Variants in AUH observed in about 807,000 individuals in gnomAD.
The protein encoded by AUH is AU RNA binding methylglutaconyl-CoA hydratase.
In AUH, 29 loss-of-function variants were observed where a neutral mutation model predicts 42.3. The ratio of observed to expected loss-of-function variants is 0.69; its 90% CI spans 0.51 to 0.93. The LOEUF (loss-of-function observed/expected upper bound fraction) is 0.93, where lower values mean the gene tolerates loss of function less well. Ranked by LOEUF, AUH falls within the 40% of genes least tolerant of loss-of-function variation. The pLI is 0.00. For missense variants in AUH, 452 were observed against 438.1 expected (o/e 1.03, Z -0.28); for synonymous variants, 174 against 166.4 (o/e 1.05, Z -0.35).
intron 3 of AUH, among the ~76,000 whole-genome samples, chr9:91,337,685 C>CTAA (rs1830794370): frequency 6.6e-6 from 1 of 152,136 alleles, no homozygotes; most frequent in Non-Finnish European, 1.5e-5. Flanking sequence ...TCAGGCAATC[C>CTAA]TAACAGGCTT....
At chr9:91,323,849 G>T (rs1181108958) in intron 4 of AUH, among the ~76,000 whole-genome samples, 1 of 151,934 alleles carries the variant, frequency 6.6e-6, no homozygotes, top group Non-Finnish European at 1.5e-5. Flanking sequence ...TGGATAGAAA[G>T]ATTTACTATC....
At chr9:91,341,865 G>A (rs1831131248) in intron 3 of AUH, among the ~76,000 whole-genome samples, 1 of 152,298 alleles carries the variant, frequency 6.6e-6, no homozygotes, top group South Asian at 2.1e-4. Flanking sequence ...GACCTGCTTT[G>A]GTTTAAGTGA....
intron 4 of AUH, among the ~76,000 whole-genome samples, chr9:91,323,881 TAACA>T (rs1383412536): frequency 2.6e-5 from 4 of 152,124 alleles, no homozygotes. Context: ...AAAATTTTCT[TAACA>T]AAATTTATAA....
intron 6 of AUH, among the ~76,000 whole-genome samples, chr9:91,292,908 T>C (rs1462317282): frequency 2.6e-5 from 4 of 152,322 alleles, no homozygotes; most frequent in Admixed American, 1.3e-4. Flanking sequence ...TCCAACAGTA[T>C]GTGCTTACTT....
chr9:91,251,155 G>A (rs1458882901), intron 6 of AUH, among the ~76,000 whole-genome samples: 1 of 152,164 alleles, frequency 6.6e-6, no homozygotes, highest in African/African-American at 2.4e-5. Context: ...TAGACAGGAT[G>A]GGCTTGCCAT....
chr9:91,295,631 A>G (rs1044489546), intron 6 of AUH, among the ~76,000 whole-genome samples: 1 of 152,362 alleles, frequency 6.6e-6, no homozygotes, highest in African/African-American at 2.4e-5. Flanking sequence ...ACCCTCTACC[A>G]GCAAAAAGAT....
At chr9:91,305,662 AG>A (rs972949424) in intron 4 of AUH, among the ~76,000 whole-genome samples, 1 of 152,180 alleles carries the variant, frequency 6.6e-6, no homozygotes, top group African/African-American at 2.4e-5. Flanking sequence ...ATACTTAAAA[AG>A]TTTTTACTAT....
intron 3 of AUH, among the ~76,000 whole-genome samples, chr9:91,329,802 A>G (rs1344264602): frequency 7.9e-5 from 12 of 152,096 alleles, no homozygotes; most frequent in Admixed American, 6.5e-4. Context: ...AAAAATCAAC[A>G]CTCATTCCTG....
At chr9:91,349,635 G>A (rs1397671328) in intron 3 of AUH, among the ~76,000 whole-genome samples, 1 of 151,634 alleles carries the variant, frequency 6.6e-6, no homozygotes, top group African/African-American at 2.4e-5. Flanking sequence ...ACTTGTGTGT[G>A]TGTGTATGTG....
At chr9:91,312,906 TTTTA>T (rs1205147525) in intron 4 of AUH, among the ~76,000 whole-genome samples, 2 of 152,194 alleles carry the variant, frequency 1.3e-5, no homozygotes, top group Admixed American at 6.5e-5. Flanking sequence ...TCCAATTGCC[TTTTA>T]TTTGTGATTC....
chr9:91,293,006 T>C (rs1365694459), intron 6 of AUH, among the ~76,000 whole-genome samples: 2 of 152,192 alleles, frequency 1.3e-5, no homozygotes, highest in Non-Finnish European at 2.9e-5. Context: ...TGATCATTAA[T>C]CTTTGTTGTT....
chr9:91,307,241 C>T (rs944079106), intron 4 of AUH, among the ~76,000 whole-genome samples: 1 of 152,066 alleles, frequency 6.6e-6, no homozygotes, highest in African/African-American at 2.4e-5. Context: ...TGTCATTACA[C>T]CTCAATAAAG....
chr9:91,282,467 CCA>C (rs1163044673), intron 6 of AUH, among the ~76,000 whole-genome samples: 3 of 152,068 alleles, frequency 2.0e-5, no homozygotes, highest in African/African-American at 7.2e-5. Flanking sequence ...GGCTGTATCC[CCA>C]GTGTCCACAT....
chr9:91,219,173 A>G (rs192602871), intron 7 of AUH, among the ~76,000 whole-genome samples: 7 of 152,296 alleles, frequency 4.6e-5, no homozygotes, highest in Admixed American at 4.6e-4. Flanking sequence ...CATTTGCTGC[A>G]TGGTGGCCAC....
intron 4 of AUH, among the ~76,000 whole-genome samples, chr9:91,308,674 CTT>C (rs1828425211): frequency 6.6e-6 from 1 of 152,094 alleles, no homozygotes; most frequent in Non-Finnish European, 1.5e-5. Context: ...TTAGAAATCT[CTT>C]TGACCCTCAA....
chr9:91,302,401 C>G (rs1370444238), intron 4 of AUH, among the ~76,000 whole-genome samples: 2 of 152,060 alleles, frequency 1.3e-5, no homozygotes, highest in Non-Finnish European at 2.9e-5. Flanking sequence ...ACCAGCCTGA[C>G]CAACATAGAG....
chr9:91,281,357 A>C lies in AUH; in HGVS notation c.655+14664T>G, dbSNP rs568677354. Among the ~76,000 whole-genome samples the C allele has an allele frequency of 3.9e-5, 6 of 152,166 alleles. No homozygotes were observed. In the East Asian group the frequency reaches 1.2e-3, roughly 29 times the overall value. ...TTGGCAATTTTATTTTTTAATCCTA[A>C]GATTTTTATTTGTTGGAGTTACTCT... On this transcript the variant is annotated intron_variant, in intron 6 of 9. Transcript: ENST00000375731.
intron 6 of AUH, among the ~76,000 whole-genome samples, chr9:91,268,681 C>T (rs1361127330): frequency 1.3e-5 from 2 of 152,174 alleles, no homozygotes; most frequent in East Asian, 3.9e-4. Context: ...CTACCTCCCT[C>T]AGCCTCCGAA....
intron 4 of AUH, among the ~76,000 whole-genome samples, chr9:91,319,651 C>T (rs1829417899): frequency 1.3e-5 from 2 of 152,206 alleles, no homozygotes; most frequent in Admixed American, 1.3e-4. Flanking sequence ...CCTCTAGGAA[C>T]ACGGGGCTGC....
Sources: allele counts gnomAD v4.1 joint callset (sites outside exome capture counted in the v4.1 genomes callset), GRCh38; gene constraint gnomAD v4.1.1; transcripts MANE v1.5; gene names NCBI Gene and HGNC (gene_info 2026-07-23, HGNC 2026-07-21).